CTNNA3: variants seen among roughly 807,000 people sequenced by gnomAD.
CTNNA3 encodes the protein catenin alpha 3.
In CTNNA3, 76 loss-of-function variants were observed where a neutral mutation model predicts 95.7. The ratio of observed to expected loss-of-function variants is 0.79; its 90% CI spans 0.66 to 0.96. CTNNA3 has a LOEUF of 0.96. Among genes scored for constraint, CTNNA3 ranks in the 40% least tolerant of loss-of-function variants. CTNNA3 has a pLI of 0.00. For missense variants in CTNNA3, 1,191 were observed against 1,089.8 expected, an observed-to-expected ratio of 1.09 and a Z score of -1.31; for synonymous variants, 431 against 374.4, an observed-to-expected ratio of 1.15 and a Z score of -1.74.
chr10:67,205,384 T>C (rs1863849117), intron 6 of CTNNA3, among the ~76,000 whole-genome samples: 1 of 152,214 alleles, frequency 6.6e-6, no homozygotes, highest in African/African-American at 2.4e-5. Flanking sequence ...ATAAGGGGCC[T>C]CTTACTAGTA....
intron 5 of CTNNA3, among the ~76,000 whole-genome samples, chr10:67,456,197 GTAA>G (rs1847167347): frequency 6.6e-6 from 1 of 152,110 alleles, no homozygotes; most frequent in Non-Finnish European, 1.5e-5. Flanking sequence ...GCTAATAAGT[GTAA>G]TAATACAGGA....
At chr10:66,148,905 T>C (rs2084038655) in intron 13 of CTNNA3, among the ~76,000 whole-genome samples, 1 of 151,786 alleles carries the variant, frequency 6.6e-6, no homozygotes, top group Non-Finnish European at 1.5e-5. Flanking sequence ...ATTCAATAAG[T>C]TTTAAATAGA....
chr10:66,960,090 A>G (rs561312891), intron 7 of CTNNA3, among the ~76,000 whole-genome samples: 1 of 152,186 alleles, frequency 6.6e-6, no homozygotes, highest in Admixed American at 6.6e-5. Flanking sequence ...TTTCTTTGCT[A>G]GCAGACTCCC....
intron 9 of CTNNA3, among the ~76,000 whole-genome samples, chr10:66,636,512 C>A (rs1247507779): frequency 6.6e-6 from 1 of 151,996 alleles, no homozygotes; most frequent in African/African-American, 2.4e-5. Context: ...ATAATTAGAG[C>A]AAACCAACAT....
chr10:66,965,621 G>A (rs1408597492), intron 7 of CTNNA3, among the ~76,000 whole-genome samples: 2 of 149,692 alleles, frequency 1.3e-5, no homozygotes, highest in Non-Finnish European at 3.0e-5. Context: ...GGGCAAGACA[G>A]TTCCCAAAAT....
chr10:66,287,125 G>A (rs1006543219), intron 12 of CTNNA3, among the ~76,000 whole-genome samples: 14 of 152,016 alleles, frequency 9.2e-5, no homozygotes, highest in African/African-American at 2.9e-4. Flanking sequence ...TGAAATATAC[G>A]TTTATTAAAG....
chr10:66,762,217 A>C (rs1034143817), intron 9 of CTNNA3, among the ~76,000 whole-genome samples: 2 of 152,128 alleles, frequency 1.3e-5, no homozygotes, highest in East Asian at 3.9e-4. Context: ...ATCACCAACA[A>C]GGTGAGATCA....
At chr10:67,429,325 T>G (rs1300478273) in intron 5 of CTNNA3, among the ~76,000 whole-genome samples, 2 of 152,076 alleles carry the variant, frequency 1.3e-5, no homozygotes, top group South Asian at 2.1e-4. Flanking sequence ...TTTTACATCT[T>G]TTTTATAAAA....
intron 3 of CTNNA3, among the ~76,000 whole-genome samples, chr10:67,557,816 T>G (rs940515647): frequency 2.0e-5 from 3 of 152,178 alleles, no homozygotes; most frequent in African/African-American, 7.2e-5. Context: ...ATAGCTCTAT[T>G]TTAGGTAGAA....
At chr10:67,733,786 A>G (rs1018107450) in intron 1 of CTNNA3, among the ~76,000 whole-genome samples, 2 of 152,164 alleles carry the variant, frequency 1.3e-5, no homozygotes, top group African/African-American at 2.4e-5. Flanking sequence ...TCATGCTTTA[A>G]TAACTCTTGT....
intron 5 of CTNNA3, among the ~76,000 whole-genome samples, chr10:67,504,274 A>G (rs1457239155): frequency 6.6e-6 from 1 of 151,298 alleles, no homozygotes; most frequent in Non-Finnish European, 1.5e-5. Context: ...AACACGGTGA[A>G]ACCCCATCTC....
At chr10:66,740,307 G>A (rs1263716069) in intron 9 of CTNNA3, among the ~76,000 whole-genome samples, 1 of 152,166 alleles carries the variant, frequency 6.6e-6, no homozygotes. Context: ...GAATGACGAT[G>A]CAAAATATAA....
intron 14 of CTNNA3, among the ~76,000 whole-genome samples, chr10:66,083,493 T>A (rs2080850086): frequency 1.3e-5 from 2 of 152,162 alleles, no homozygotes; most frequent in South Asian, 4.1e-4. Context: ...CCTAACATCT[T>A]GCCTATGAAA....
At chr10:65,984,854 T>G (rs1326060671) in intron 16 of CTNNA3, among the ~76,000 whole-genome samples, 1 of 151,234 alleles carries the variant, frequency 6.6e-6, no homozygotes, top group Non-Finnish European at 1.5e-5. Flanking sequence ...TTAGTGTCTC[T>G]CATAAAAGTG....
At chr10:66,597,552 A>ATATATATATATATATATT (rs1246174021) in intron 10 of CTNNA3, among the ~76,000 whole-genome samples, 1 of 130,520 alleles carries the variant, frequency 7.7e-6, no homozygotes, top group African/African-American at 2.9e-5. Flanking sequence ...ATATATATAT[A>ATATATATATATATATATT]TATTTATTAA....
At chr10:66,291,949 T>C (rs998170187) in intron 12 of CTNNA3, among the ~76,000 whole-genome samples, 9 of 151,212 alleles carry the variant, frequency 6.0e-5, no homozygotes, top group Non-Finnish European at 1.2e-4. Context: ...ATATATCTCA[T>C]ATTGTATATC....
chr10:67,714,100 G>A (rs1398532620), intron 1 of CTNNA3, among the ~76,000 whole-genome samples: 1 of 152,206 alleles, frequency 6.6e-6, no homozygotes, highest in East Asian at 1.9e-4. Flanking sequence ...GAAGGGAAAT[G>A]TGGGACTGGA....
intron 1 of CTNNA3, among the ~76,000 whole-genome samples, chr10:67,732,947 T>C (rs1378523097): frequency 1.3e-5 from 2 of 151,766 alleles, no homozygotes; most frequent in Non-Finnish European, 2.9e-5. Flanking sequence ...AAGTGTAGAA[T>C]TGAGCAAAGA....
chr10:67,646,913 A>G (rs997736498), intron 2 of CTNNA3, among the ~76,000 whole-genome samples: 2 of 152,108 alleles, frequency 1.3e-5, no homozygotes, highest in Non-Finnish European at 2.9e-5. Context: ...CACCTTATGA[A>G]AGACTTCATC....
Sources: allele counts gnomAD v4.1 joint callset (sites outside exome capture counted in the v4.1 genomes callset), GRCh38; gene constraint gnomAD v4.1.1; transcripts MANE v1.5; gene names NCBI Gene and HGNC (gene_info 2026-07-23, HGNC 2026-07-21).